LTBP1: variants seen among roughly 807,000 people sequenced by gnomAD.
LTBP1 encodes the protein latent transforming growth factor beta binding protein 1, also known as latent-transforming growth factor beta-binding protein 1.
LTBP1 carries 129 observed loss-of-function variants against 207.6 expected under a neutral mutation model. The observed-to-expected ratio is 0.62, with a 90% CI of 0.54 to 0.72. The LOEUF is 0.72. Among genes scored for constraint, LTBP1 ranks in the 30% least tolerant of loss-of-function variants. The pLI is 0.00. For missense variants in LTBP1, 2,281 were observed against 2,217.2 expected (o/e 1.03, Z -0.58); for synonymous variants, 963 against 833.7 (o/e 1.16, Z -2.67).
At chr2:33,171,084 A>G (rs1226386180) in intron 5 of LTBP1, among the ~76,000 whole-genome samples, 1 of 108,950 alleles carries the variant, frequency 9.2e-6, no homozygotes, top group Non-Finnish European at 2.0e-5. Flanking sequence ...AAAAACTGGA[A>G]ACTCTAAAAA....
At chr2:33,277,539 A>G (rs75602941) in intron 18 of LTBP1, among the ~76,000 whole-genome samples, 2,212 of 152,228 alleles carry the variant, frequency 0.015, 22 homozygotes, top group East Asian at 0.025. Context: ...TCATGTTGCC[A>G]TAACTTGTAT....
chr2:32,948,003 A>G (rs1249162254), intron 1 of LTBP1, among the ~76,000 whole-genome samples, 185 bp downstream of exon 1: 4 of 152,192 alleles, frequency 2.6e-5, no homozygotes, highest in African/African-American at 4.8e-5. Context: ...GGGGAAGCCC[A>G]GGAACTTTTA....
intron 23 of LTBP1, 39 bp from the exon 24 acceptor site, chr2:33,315,105 A>ATTTT: frequency 6.4e-7 from 1 of 1,566,506 alleles, no homozygotes; most frequent in Non-Finnish European, 8.6e-7. Context: ...AATGAAACCG[A>ATTTT]TTTTTTTCAA....
chr2:33,015,719 G>T (rs978085039), intron 2 of LTBP1, among the ~76,000 whole-genome samples: 1 of 152,188 alleles, frequency 6.6e-6, no homozygotes, highest in African/African-American at 2.4e-5. Context: ...AGGTTTAACT[G>T]GCTCATGGTT....
intron 31 of LTBP1, among the ~76,000 whole-genome samples, chr2:33,378,654 A>G (rs2095174617): frequency 6.6e-6 from 1 of 152,238 alleles, no homozygotes; most frequent in African/African-American, 2.4e-5. Flanking sequence ...ATCACTGTGC[A>G]TAATTGCTTA....
At chr2:33,263,232 A>G in intron 14 of LTBP1, 62 bp from the exon 15 acceptor site, 2 of 936,698 alleles carry the variant, frequency 2.1e-6, no homozygotes, top group South Asian at 1.3e-5. Flanking sequence ...GCATTTTGAA[A>G]TGGGATCTCA....
At position 33,293,262 on chromosome 2, in the gene LTBP1, C is replaced by T. The variant is rs150123521; in HGVS notation, c.3215C>T (p.Pro1072Leu). 129 of 1,613,440 alleles carry T rather than the reference C, an allele frequency of 8.0e-5. No individual in the cohort carries two copies. Among genetic ancestry groups the T allele is most frequent in the African/African-American group, 1.9e-4 (14 of 74,962 alleles). The change falls in exon 20 of 34, where the codon CCG becomes CTG. Residue 1072 changes from proline (P) to leucine (L), a missense_variant. By Grantham distance (98) the Pro-to-Leu change is moderately conservative. Coordinates refer to ENST00000404816, the MANE Select transcript of LTBP1 (RefSeq NM_206943.4). ...TGCCACAAAGGCTATACCCGGACTC[C>T]GGACCACAAGCACTGTAGAGGTAAA... The part of the protein sequence containing the change: ...CSCHKGYTRT[P>L]DHKHCRDIDE...
intron 5 of LTBP1, among the ~76,000 whole-genome samples, chr2:33,184,148 T>A (rs1219618108): frequency 6.6e-6 from 1 of 152,198 alleles, no homozygotes; most frequent in East Asian, 1.9e-4. Flanking sequence ...CTATAATAGT[T>A]TCCTCACTGA....
rs2082007387 is a variant in LTBP1 at position 33,134,617 on chromosome 2, G to T, written c.1034-176G>T. On this transcript the variant is annotated intron_variant, in intron 4 of 33. Coordinates refer to ENST00000404816, the MANE Select transcript of LTBP1 (RefSeq NM_206943.4). The surrounding 1 kb of genome is among the most constrained non-coding windows in gnomAD (Gnocchi z 4.4). The stretch of plus-strand genomic sequence containing the variant: ...TTTCAGAGACACCACTGAATACAGA[G>T]CAGCGAGCACTGAAGGCTTCCCTCT... 3 of 1,533,066 alleles carry T rather than the reference G, an allele frequency of 2.0e-6. No individual in the cohort carries two copies. The East Asian group carries it at 7.3e-5, about 37-fold the overall frequency. 95.0% of individuals were successfully genotyped at this position (1,533,066 alleles called of 1,614,324 possible). A position where few individuals can be genotyped will look rare whatever the true frequency, so the allele number is the denominator to read the frequency against.
At chr2:32,974,377 A>G (rs1221904322) in intron 2 of LTBP1, among the ~76,000 whole-genome samples, 6 of 152,216 alleles carry the variant, frequency 3.9e-5, no homozygotes, top group African/African-American at 1.2e-4. Flanking sequence ...TGGAATTTGT[A>G]TGTCTTCTTT....
chr2:33,257,481 G>C lies in LTBP1; in HGVS notation c.2365G>C (p.Glu789Gln). The C allele has an allele frequency of 6.2e-7, 1 of 1,614,154 alleles. No homozygotes were observed. Among genetic ancestry groups the C allele is most frequent in the Non-Finnish European group, 8.5e-7 (1 of 1,179,996 alleles). Residue 789 changes from glutamate (E) to glutamine (Q), a missense_variant, in exon 12 of 34, where the codon GAA becomes CAA. Glu to Gln is a conservative substitution (Grantham distance 29). This residue lies in a region of LTBP1 where 1,671 missense variants were observed against 1,634.8 expected (regional missense o/e 1.02). Coordinates refer to ENST00000404816, the MANE Select transcript of LTBP1 (RefSeq NM_206943.4). ...EPVEALTFSR[E>Q]HGPGVAEPEV... ...AGTGGAGGCCCTGACCTTCTCCCGG[G>C]AACACGGGCCAGGAGTGGCGGAGCC...
At chr2:33,276,054 G>A (rs1222512011) in intron 18 of LTBP1, 131 bp downstream of exon 18, 1 of 1,146,458 alleles carries the variant, frequency 8.7e-7, no homozygotes, top group Non-Finnish European at 1.2e-6. Context: ...CTGCTTCCTA[G>A]ATTCACAGGC....
chr2:33,069,173 T>C (rs1329862417), intron 3 of LTBP1, among the ~76,000 whole-genome samples: 1 of 152,148 alleles, frequency 6.6e-6, no homozygotes, highest in Non-Finnish European at 1.5e-5. Flanking sequence ...TCTGTGTACT[T>C]GTTAGGTATC....
intron 3 of LTBP1, among the ~76,000 whole-genome samples, chr2:33,031,610 C>G (rs1480105401): frequency 6.6e-6 from 1 of 152,114 alleles, no homozygotes; most frequent in Non-Finnish European, 1.5e-5. Context: ...GAGGACTGGA[C>G]TAAAGGAACA....
chr2:33,330,560 T>A (rs945763163), intron 24 of LTBP1, among the ~76,000 whole-genome samples: 1 of 151,812 alleles, frequency 6.6e-6, no homozygotes, highest in Non-Finnish European at 1.5e-5. Context: ...TTCTTTATCA[T>A]GCTTGGTTTT....
chr2:33,275,632 C>A (rs973755772), intron 17 of LTBP1, among the ~76,000 whole-genome samples, 169 bp from the exon 18 acceptor site: 1 of 151,018 alleles, frequency 6.6e-6, no homozygotes, highest in Non-Finnish European at 1.5e-5. Context: ...TGCAGTGAGC[C>A]GAGATCACAC....
intron 2 of LTBP1, among the ~76,000 whole-genome samples, chr2:32,981,264 T>G (rs1441786645): frequency 6.6e-6 from 1 of 152,220 alleles, no homozygotes; most frequent in Non-Finnish European, 1.5e-5. Flanking sequence ...GCTTCATTCT[T>G]TAATTGTGTA....
Position 32,958,584 on chromosome 2 carries a change from G to A in LTBP1, c.565+9639G>A, listed in dbSNP as rs77468377. 2.2e-4 allele frequency among the ~76,000 whole-genome samples: 34 copies of A among 152,312 alleles called. No homozygotes were observed. The East Asian group carries it at 6.4e-3, about 28-fold the overall frequency. ...GGTCCCTTGCTTTGCCACAGTACAA[G>A]TGCCACAGTACAAATGCTACCTAGG... On this transcript the variant is annotated intron_variant, in intron 2 of 33. Coordinates refer to ENST00000404816, the MANE Select transcript of LTBP1 (RefSeq NM_206943.4).
At chr2:32,957,487 G>A (rs1192339491) in intron 2 of LTBP1, among the ~76,000 whole-genome samples, 2 of 152,130 alleles carry the variant, frequency 1.3e-5, no homozygotes, top group African/African-American at 2.4e-5. Context: ...ACGGCTGGTC[G>A]GTGGAGCAGT....
Sources: gnomAD v4.1 joint callset for allele counts (sites outside exome capture counted in the v4.1 genomes callset) on GRCh38, gnomAD v4.1.1 for gene constraint, gnomAD v4.1.1 regional missense constraint, Gnocchi (gnomAD v3.1) non-coding constraint, MANE v1.5 for transcripts, NCBI Gene and HGNC (gene_info 2026-07-23, HGNC 2026-07-21) for gene names.